Variants in PTPRZ1 observed in about 807,000 individuals in gnomAD.
PTPRZ1 encodes receptor-type tyrosine-protein phosphatase zeta.
Under a neutral mutation model 214.1 loss-of-function variants are expected in PTPRZ1, and 82 were observed. The observed-to-expected ratio is 0.38, with a 90% CI of 0.32 to 0.46. The LOEUF (loss-of-function observed/expected upper bound fraction) is 0.46. Among genes scored for constraint, PTPRZ1 ranks in the 20% least tolerant of loss-of-function variants. PTPRZ1 has a pLI of 1.00. For missense variants in PTPRZ1, 2,603 were observed against 2,748.7 expected, an observed-to-expected ratio of 0.95 and a Z score of 1.19; for synonymous variants, 945 against 987.9, an observed-to-expected ratio of 0.96 and a Z score of 0.81.
At chr7:121,973,832 G>GCA (rs1339924591) in intron 4 of PTPRZ1, among the ~76,000 whole-genome samples, 8 of 150,712 alleles carry the variant, frequency 5.3e-5, no homozygotes, top group Admixed American at 6.6e-5. Flanking sequence ...TACTCAGGAG[G>GCA]CTGAGGCATG....
intron 9 of PTPRZ1, among the ~76,000 whole-genome samples, chr7:121,997,412 C>T (rs1028726227): frequency 3.9e-5 from 6 of 151,918 alleles, no homozygotes; most frequent in Admixed American, 2.0e-4. Flanking sequence ...CTGGGAAAAT[C>T]GTGAAATAAA....
chr7:121,901,086 A>T (rs1172260552), intron 1 of PTPRZ1, among the ~76,000 whole-genome samples: 2 of 152,150 alleles, frequency 1.3e-5, no homozygotes, highest in Non-Finnish European at 2.9e-5. Flanking sequence ...GTCCTGATCT[A>T]TGTACCCCGT....
At chr7:121,949,456 GA>G (rs371789591) in intron 2 of PTPRZ1, among the ~76,000 whole-genome samples, 2 of 152,110 alleles carry the variant, frequency 1.3e-5, no homozygotes, top group Non-Finnish European at 2.9e-5. Flanking sequence ...TTATAGCCTA[GA>G]AAACTCATCT....
intron 1 of PTPRZ1, among the ~76,000 whole-genome samples, chr7:121,926,390 C>T (rs60267962): frequency 0.15 from 22,159 of 151,784 alleles, 1,775 homozygotes; most frequent in South Asian, 0.33. Context: ...CAAGAACAAC[C>T]CTTTCTAAAG....
intron 2 of PTPRZ1, among the ~76,000 whole-genome samples, chr7:121,952,641 A>C (rs1225438403): frequency 6.6e-6 from 1 of 152,226 alleles, no homozygotes; most frequent in Non-Finnish European, 1.5e-5. Context: ...ATTAAAAATC[A>C]AATATAGTTG....
rs185901678 is a variant in PTPRZ1, at chr7:121,997,464, A to G, written c.1114-416A>G. Among the ~76,000 whole-genome samples the G allele has an allele frequency of 5.5e-4, 84 of 152,224 alleles. 1 individual carries two copies. In the Middle Eastern group the frequency reaches 0.02, roughly 37 times the overall value. On this transcript the variant is annotated intron_variant, in intron 9 of 29. Coordinates refer to ENST00000393386, the MANE Select transcript of PTPRZ1 (RefSeq NM_002851.3). ...TATTTCATAATTACGTGAAGAAGAT[A>G]ATTCTATTACTGTTCTTGCATATAT... is the stretch of plus-strand genomic sequence containing the variant.
In PTPRZ1 at chr7:122,028,574, T is replaced by C; in HGVS notation, c.5011T>C (p.Phe1671Leu). ...YWRKCFQTAH[F>L]YLEDSTSPRV... ...CAGGAAATGCTTCCAGACTGCACACTTTTACTTAGAGGACAGTACATCCCC... is the reference window on the plus strand; with the variant it reads ...CAGGAAATGCTTCCAGACTGCACACCTTTACTTAGAGGACAGTACATCCCC... The change falls in exon 14 of 30, where the codon TTT becomes CTT. Residue 1671 changes from phenylalanine (F) to leucine (L), a missense_variant. Transcript: ENST00000393386. 1 of 1,542,804 alleles carries C rather than the reference T, an allele frequency of 6.5e-7. No homozygotes were observed. The highest frequency in any genetic ancestry group is 2.3e-5 in the East Asian group (1 of 44,408).
chr7:121,876,359 T>A (rs1794062413), intron 1 of PTPRZ1, among the ~76,000 whole-genome samples: 1 of 152,172 alleles, frequency 6.6e-6, no homozygotes, highest in South Asian at 2.1e-4. Context: ...GAATTCAGGA[T>A]CTTTGAATTA....
chr7:122,006,626 A>G (rs1798494068), intron 11 of PTPRZ1, among the ~76,000 whole-genome samples: 1 of 152,036 alleles, frequency 6.6e-6, no homozygotes, highest in Non-Finnish European at 1.5e-5. Context: ...ATGTACATAT[A>G]TGACAAACAC....
At chr7:122,006,392 C>A (rs1056935806) in intron 11 of PTPRZ1, among the ~76,000 whole-genome samples, 1 of 151,994 alleles carries the variant, frequency 6.6e-6, no homozygotes, top group Non-Finnish European at 1.5e-5. Context: ...TGCCTGTCGC[C>A]CCCTCGCCAC....
At chr7:121,990,512 C>CTTTT (rs758696565) in intron 8 of PTPRZ1, among the ~76,000 whole-genome samples, 3 of 73,472 alleles carry the variant, frequency 4.1e-5, no homozygotes, top group African/African-American at 5.9e-5. Flanking sequence ...TGAAAACTGT[C>CTTTT]TTTTTTTTTT....
chr7:122,026,017 CTAGAA>C (rs1799198376), intron 13 of PTPRZ1, among the ~76,000 whole-genome samples: 1 of 152,054 alleles, frequency 6.6e-6, no homozygotes, highest in African/African-American at 2.4e-5. Context: ...AAATATATAA[CTAGAA>C]TATATGGGCA....
chr7:122,061,097 C>A lies in PTPRZ1; in HGVS notation c.6825C>A (p.Leu2275=). The A allele has an allele frequency of 2.5e-6, 4 of 1,608,870 alleles. No homozygotes were observed. The highest frequency in any genetic ancestry group is 3.4e-6 in the Non-Finnish European group (4 of 1,177,018). The part of the protein sequence containing the change: ...VFADIEQYQF[L]YKVILSLVST... Reference sequence around the variant, plus strand: ...TTCTCTAGGAGCAGTATCAGTTTCTCTACAAAGTGATCCTCAGCCTTGTGA... The same window carrying A: ...TTCTCTAGGAGCAGTATCAGTTTCTATACAAAGTGATCCTCAGCCTTGTGA... Residue 2275 remains leucine (L), a synonymous_variant, in exon 30 of 30, where the codon CTC becomes CTA. Transcript: ENST00000393386.
At chr7:121,962,916 G>A (rs909510130) in intron 2 of PTPRZ1, among the ~76,000 whole-genome samples, 4 of 151,904 alleles carry the variant, frequency 2.6e-5, no homozygotes, top group African/African-American at 4.8e-5. Flanking sequence ...TTTTCTACTC[G>A]TGGTGATTTG....
chr7:122,054,404 A>AT (rs941613026), intron 26 of PTPRZ1, among the ~76,000 whole-genome samples: 14 of 152,130 alleles, frequency 9.2e-5, no homozygotes, highest in African/African-American at 3.1e-4. Flanking sequence ...GAGGTCTCTA[A>AT]TTTTTTCTTT....
At chr7:122,042,014 T>C (rs1012904519) in intron 21 of PTPRZ1, among the ~76,000 whole-genome samples, 2 of 152,216 alleles carry the variant, frequency 1.3e-5, no homozygotes, top group Admixed American at 6.5e-5. Flanking sequence ...AGAATCCCTG[T>C]CCGTGAATTC....
intron 13 of PTPRZ1, among the ~76,000 whole-genome samples, chr7:122,024,402 G>T (rs946455688): frequency 2.0e-5 from 3 of 152,010 alleles, no homozygotes; most frequent in Non-Finnish European, 4.4e-5. Flanking sequence ...GAGATGAAAA[G>T]CAATATGAAT....
chr7:121,879,486 G>A (rs1347426537), intron 1 of PTPRZ1, among the ~76,000 whole-genome samples: 2 of 152,168 alleles, frequency 1.3e-5, no homozygotes, highest in Non-Finnish European at 2.9e-5. Flanking sequence ...GTAAGAGATA[G>A]TGACACAAAA....
At chr7:122,044,637 T>C in intron 23 of PTPRZ1, 69 bp downstream of exon 23, 1 of 1,519,600 alleles carries the variant, frequency 6.6e-7, no homozygotes, top group Admixed American at 1.8e-5. Flanking sequence ...CTCATTTGAG[T>C]TGACAGGGTC....
Sources: allele counts gnomAD v4.1 joint callset (sites outside exome capture counted in the v4.1 genomes callset), GRCh38; gene constraint gnomAD v4.1.1; transcripts MANE v1.5; gene names NCBI Gene and HGNC (gene_info 2026-07-23, HGNC 2026-07-21).